MAF: variants seen among roughly 807,000 people sequenced by gnomAD.
MAF encodes the protein transcription factor Maf.
Under a neutral mutation model 22.0 loss-of-function variants are expected in MAF, and 10 were observed. The ratio of observed to expected loss-of-function variants is 0.45; its 90% CI spans 0.28 to 0.77. The LOEUF (loss-of-function observed/expected upper bound fraction) is 0.77. Ranked by LOEUF, MAF falls within the 30% of genes least tolerant of loss-of-function variation. The pLI is 0.12. For synonymous variants in MAF, 337 were observed against 255.8 expected, an observed-to-expected ratio of 1.32 and a Z score of -3.03; for missense variants, 544 against 548.4, an observed-to-expected ratio of 0.99 and a Z score of 0.08.
At chr16:79,255,365 G>A in the MAF span, among the ~76,000 whole-genome samples, 8 of 152,194 alleles carry the variant, frequency 5.3e-5, no homozygotes, top group African/African-American at 1.9e-4. Flanking sequence ...ACTAAGAAGA[G>A]CTCTCTGCTC....
At chr16:79,499,241 C>A in the MAF span, among the ~76,000 whole-genome samples, 1 of 152,144 alleles carries the variant, frequency 6.6e-6, no homozygotes, top group Non-Finnish European at 1.5e-5. Flanking sequence ...CAGCTGTGCT[C>A]CAACCTGCAG....
At chr16:79,234,235 C>G in the MAF span, among the ~76,000 whole-genome samples, 2 of 151,990 alleles carry the variant, frequency 1.3e-5, no homozygotes, top group Non-Finnish European at 2.9e-5. Context: ...TGTAAGCCAC[C>G]AAGCCCTGAA....
the MAF span, among the ~76,000 whole-genome samples, chr16:79,568,409 T>C: frequency 5.3e-5 from 8 of 152,320 alleles, no homozygotes; most frequent in Admixed American, 2.0e-4. Context: ...GGAAGGCCTG[T>C]AGGGAGCCTT....
chr16:79,384,475 C>T, the MAF span, among the ~76,000 whole-genome samples: 3 of 125,876 alleles, frequency 2.4e-5, no homozygotes, highest in Non-Finnish European at 3.4e-5. Flanking sequence ...AAAAAGGGAG[C>T]GGCCGGGCAT....
chr16:79,490,127 T>C, the MAF span, among the ~76,000 whole-genome samples: 4 of 151,982 alleles, frequency 2.6e-5, no homozygotes, highest in African/African-American at 7.3e-5. Context: ...CAAAAGCAGA[T>C]AGAGTGAAAA....
At chr16:79,547,881 C>CGTGTGT in the MAF span, among the ~76,000 whole-genome samples, 1 of 142,770 alleles carries the variant, frequency 7.0e-6, no homozygotes, top group South Asian at 2.2e-4. Flanking sequence ...TGTGTGTGTG[C>CGTGTGT]GTGTGTGTGT....
the MAF span, among the ~76,000 whole-genome samples, chr16:79,537,062 T>C: frequency 5.3e-5 from 8 of 152,308 alleles, no homozygotes; most frequent in African/African-American, 1.7e-4. Context: ...TGGGTGCACA[T>C]GTACCCAGAA....
the MAF span, among the ~76,000 whole-genome samples, chr16:79,227,794 A>C: frequency 2.0e-5 from 3 of 152,112 alleles, no homozygotes; most frequent in Non-Finnish European, 2.9e-5. Flanking sequence ...CATCAAAAAA[A>C]CCTGAAATAT....
chr16:79,577,897 C>A, the MAF span, among the ~76,000 whole-genome samples: 1 of 152,146 alleles, frequency 6.6e-6, no homozygotes, highest in African/African-American at 2.4e-5. Context: ...ACATTTTCCT[C>A]TTCATTTTGG....
the MAF span, among the ~76,000 whole-genome samples, chr16:79,441,138 C>T: frequency 1.3e-5 from 2 of 152,288 alleles, no homozygotes; most frequent in African/African-American, 4.8e-5. Flanking sequence ...GTTTTTATTC[C>T]CCATCTTGAA....
At chr16:79,207,904 T>C in the MAF span, among the ~76,000 whole-genome samples, 1 of 152,186 alleles carries the variant, frequency 6.6e-6, no homozygotes, top group African/African-American at 2.4e-5. Flanking sequence ...CTAGCAGTTA[T>C]CAAATGAATG....
chr16:79,425,164 A>G, the MAF span, among the ~76,000 whole-genome samples: 1 of 152,170 alleles, frequency 6.6e-6, no homozygotes, highest in African/African-American at 2.4e-5. Context: ...AATATTTCAT[A>G]TTGCAAATGT....
At chr16:79,433,810 G>A in the MAF span, among the ~76,000 whole-genome samples, 7 of 152,258 alleles carry the variant, frequency 4.6e-5, no homozygotes, top group African/African-American at 1.4e-4. Flanking sequence ...GGAATTCTAC[G>A]TTTGATTAAA....
At chr16:79,353,930 G>A in the MAF span, among the ~76,000 whole-genome samples, 1 of 152,132 alleles carries the variant, frequency 6.6e-6, no homozygotes, top group East Asian at 1.9e-4. Context: ...ACACTTACCA[G>A]CATGCCATGG....
the MAF span, among the ~76,000 whole-genome samples, chr16:79,369,629 G>T: frequency 6.6e-6 from 1 of 152,192 alleles, no homozygotes; most frequent in South Asian, 2.1e-4. Flanking sequence ...TGTGTCGATG[G>T]AAGCAACTTT....
chr16:79,473,139 C>A, the MAF span, among the ~76,000 whole-genome samples: 1 of 152,036 alleles, frequency 6.6e-6, no homozygotes, highest in African/African-American at 2.4e-5. Flanking sequence ...TCGTTCACAC[C>A]CCTGGCTCAG....
chr16:79,454,881 G>A, the MAF span, among the ~76,000 whole-genome samples: 1 of 152,110 alleles, frequency 6.6e-6, no homozygotes, highest in Non-Finnish European at 1.5e-5. Context: ...TGGATCACCT[G>A]AGGTCGGGAG....
the MAF span, among the ~76,000 whole-genome samples, chr16:79,555,395 G>C: frequency 1.3e-5 from 2 of 152,114 alleles, no homozygotes; most frequent in Non-Finnish European, 2.9e-5. Context: ...TCTCACCTCT[G>C]AGCCATGGTG....
the MAF span, among the ~76,000 whole-genome samples, chr16:79,439,170 T>G: frequency 5.3e-5 from 8 of 151,888 alleles, no homozygotes; most frequent in Non-Finnish European, 8.8e-5. Flanking sequence ...GTACCAAGAA[T>G]AAGAGTGTAT....
Sources: allele counts gnomAD v4.1 joint callset (sites outside exome capture counted in the v4.1 genomes callset), GRCh38; gene constraint gnomAD v4.1.1; transcripts MANE v1.5; gene names NCBI Gene and HGNC (gene_info 2026-07-23, HGNC 2026-07-21).